Variants in SLC24A2 observed in about 807,000 individuals in gnomAD.
SLC24A2 encodes sodium/potassium/calcium exchanger 2.
A neutral mutation model predicts 62.0 loss-of-function variants in SLC24A2; 36 were observed. The observed-to-expected ratio is 0.58, with a 90% confidence interval of 0.44 to 0.77. SLC24A2 has a LOEUF of 0.77. Ranked by LOEUF, SLC24A2 falls within the 30% of genes least tolerant of loss-of-function variation. SLC24A2 has a pLI of 0.00. For synonymous variants in SLC24A2, 358 were observed against 294.0 expected (o/e 1.22, Z -2.23); for missense variants, 846 against 817.9 (o/e 1.03, Z -0.42).
At chr9:20,008,923 T>G in the SLC24A2 span, among the ~76,000 whole-genome samples, 2 of 152,142 alleles carry the variant, frequency 1.3e-5, no homozygotes, top group Non-Finnish European at 2.9e-5. Flanking sequence ...AACTGGCAAC[T>G]GTCCACAGGC....
chr9:20,188,141 C>T, the SLC24A2 span, among the ~76,000 whole-genome samples: 8 of 152,186 alleles, frequency 5.3e-5, no homozygotes, highest in Non-Finnish European at 1.2e-4. Flanking sequence ...CAAGGGAGGC[C>T]TTGTAGAATT....
At chr9:19,969,208 C>CAT in the SLC24A2 span, among the ~76,000 whole-genome samples, 2 of 151,334 alleles carry the variant, frequency 1.3e-5, no homozygotes, top group African/African-American at 4.9e-5. Flanking sequence ...CACACACACA[C>CAT]ACACACACAC....
At chr9:20,003,240 T>A in the SLC24A2 span, among the ~76,000 whole-genome samples, 1 of 152,186 alleles carries the variant, frequency 6.6e-6, no homozygotes, top group Non-Finnish European at 1.5e-5. Context: ...ACTATGCCCA[T>A]GACCACAGGC....
the SLC24A2 span, among the ~76,000 whole-genome samples, chr9:19,835,457 C>G: frequency 6.6e-6 from 1 of 152,038 alleles, no homozygotes; most frequent in Non-Finnish European, 1.5e-5. Flanking sequence ...TTTAAACCAA[C>G]GAAGATCAAA....
the SLC24A2 span, among the ~76,000 whole-genome samples, chr9:19,917,013 T>G: frequency 3.6e-3 from 405 of 112,768 alleles, 4 homozygotes; most frequent in African/African-American, 0.012. Context: ...TGTGCCTACA[T>G]TTAATTTTGG....
chr9:20,231,474 GTATTT>G, the SLC24A2 span, among the ~76,000 whole-genome samples: 6 of 152,182 alleles, frequency 3.9e-5, no homozygotes, highest in East Asian at 5.8e-4. Context: ...GGATTCCTAG[GTATTT>G]TATTCTCTTT....
At chr9:20,228,675 G>C in the SLC24A2 span, among the ~76,000 whole-genome samples, 1 of 152,140 alleles carries the variant, frequency 6.6e-6, no homozygotes, top group African/African-American at 2.4e-5. Flanking sequence ...TCAAGTCCTA[G>C]AAGAAAAGCA....
the SLC24A2 span, among the ~76,000 whole-genome samples, chr9:19,874,996 C>CAAAAAAAAAAAAAA: frequency 1.0e-5 from 1 of 96,720 alleles, no homozygotes; most frequent in Non-Finnish European, 2.0e-5. Flanking sequence ...TCCAGAATTA[C>CAAAAAAAAAAAAAA]AAAAAAAAAA....
At chr9:19,945,629 G>A in the SLC24A2 span, among the ~76,000 whole-genome samples, 1 of 152,068 alleles carries the variant, frequency 6.6e-6, no homozygotes, top group Non-Finnish European at 1.5e-5. Context: ...ATCATCACAT[G>A]GAATCCTCAC....
At chr9:20,159,361 T>C in the SLC24A2 span, among the ~76,000 whole-genome samples, 4 of 151,628 alleles carry the variant, frequency 2.6e-5, no homozygotes, top group Admixed American at 6.6e-5. Flanking sequence ...TTATATGCTA[T>C]GGTCTTTTGA....
chr9:20,118,968 C>T, the SLC24A2 span, among the ~76,000 whole-genome samples: 1 of 152,096 alleles, frequency 6.6e-6, no homozygotes, highest in Non-Finnish European at 1.5e-5. Context: ...CTAGGAGACT[C>T]ACTCCAGAGA....
At chr9:19,755,733 T>C (rs1311975327) in intron 2 of SLC24A2, among the ~76,000 whole-genome samples, 1 of 152,220 alleles carries the variant, frequency 6.6e-6, no homozygotes, top group Non-Finnish European at 1.5e-5. Context: ...ATCTGGCTCC[T>C]TAGTTTGTTA....
chr9:19,679,536 T>A (rs1367949711), intron 2 of SLC24A2, among the ~76,000 whole-genome samples: 1 of 152,128 alleles, frequency 6.6e-6, no homozygotes, highest in Non-Finnish European at 1.5e-5. Flanking sequence ...GGGATTAGCA[T>A]TTGACTCAGT....
chr9:19,853,612 G>T, the SLC24A2 span, among the ~76,000 whole-genome samples: 1 of 152,090 alleles, frequency 6.6e-6, no homozygotes, highest in African/African-American at 2.4e-5. Context: ...AATTACATTT[G>T]TTTATTTGCA....
chr9:20,267,001 G>C, the SLC24A2 span, among the ~76,000 whole-genome samples: 1 of 150,370 alleles, frequency 6.7e-6, no homozygotes, highest in East Asian at 2.0e-4. Context: ...AACATCACTT[G>C]AGCCCAGGTG....
chr9:19,552,128 A>C (rs1270936091), intron 7 of SLC24A2, among the ~76,000 whole-genome samples: 2 of 152,188 alleles, frequency 1.3e-5, no homozygotes, highest in African/African-American at 4.8e-5. Context: ...TATGCAATTC[A>C]CATATTATTC....
chr9:20,076,327 A>C, the SLC24A2 span, among the ~76,000 whole-genome samples: 2 of 152,162 alleles, frequency 1.3e-5, no homozygotes, highest in African/African-American at 2.4e-5. Flanking sequence ...CATCTACTCA[A>C]TGTGATAGGA....
the SLC24A2 span, among the ~76,000 whole-genome samples, chr9:20,305,042 C>T: frequency 6.6e-6 from 1 of 151,850 alleles, no homozygotes; most frequent in East Asian, 1.9e-4. Context: ...TGGAAAACAC[C>T]ATTTAGCACA....
At chr9:19,710,406 C>G (rs1820679590) in intron 2 of SLC24A2, among the ~76,000 whole-genome samples, 1 of 152,088 alleles carries the variant, frequency 6.6e-6, no homozygotes, top group African/African-American at 2.4e-5. Context: ...CTAGCCCTAT[C>G]AGGGGGGTGG....
Sources: allele counts gnomAD v4.1 joint callset (sites outside exome capture counted in the v4.1 genomes callset), GRCh38; gene constraint gnomAD v4.1.1; transcripts MANE v1.5; gene names NCBI Gene and HGNC (gene_info 2026-07-23, HGNC 2026-07-21).